SLC39A13: variants seen among roughly 807,000 people sequenced by gnomAD.
SLC39A13 encodes the protein solute carrier family 39 member 13.
A neutral mutation model predicts 38.7 loss-of-function variants in SLC39A13; 18 were observed. The ratio of observed to expected loss-of-function variants is 0.47; its 90% CI spans 0.32 to 0.69. The LOEUF (loss-of-function observed/expected upper bound fraction) is 0.69, where lower values mean the gene tolerates loss of function less well. SLC39A13 is among the 30% of genes least tolerant of loss of function. The pLI is 0.03. For synonymous variants in SLC39A13, 212 were observed against 219.1 expected, an observed-to-expected ratio of 0.97 and a Z score of 0.29; for missense variants, 395 against 490.7, an observed-to-expected ratio of 0.80 and a Z score of 1.84.
chr11:47,411,892 G>T, intron 2 of SLC39A13, 34 bp from the exon 3 acceptor site: 1 of 1,595,718 alleles, frequency 6.3e-7, no homozygotes, highest in African/African-American at 1.3e-5. Context: ...GCTCCAGCCA[G>T]TCAGCCCCCA....
rs1347908084 is a variant in SLC39A13, at chr11:47,410,163, C to T, written c.69C>T (p.Ala23=). 8.1e-6 allele frequency: 13 copies of T among 1,613,482 alleles called. No individual in the cohort carries two copies. The highest frequency in any genetic ancestry group is 1.1e-5 in the Non-Finnish European group (13 of 1,179,978). ...GGCTCCTCTTCCTCACTGCCCTTGC[C>T]CTGGAGCTCTTGGAAAGGGCTGGGG... ...GPRLLFLTAL[A]LELLERAGGS... The change falls in exon 2 of 10, where the codon GCC becomes GCT. Residue 23 remains alanine (A), a synonymous_variant. Transcript: ENST00000362021.
chr11:47,412,654 G>C (rs2096005481), intron 4 of SLC39A13, among the ~76,000 whole-genome samples, 187 bp downstream of exon 4: 1 of 137,736 alleles, frequency 7.3e-6, no homozygotes, highest in South Asian at 2.6e-4. Flanking sequence ...AGCTTGTTCT[G>C]GTAGCCTGAT....
chr11:47,411,836 C>T, intron 2 of SLC39A13, 90 bp from the exon 3 acceptor site: 1 of 1,304,590 alleles, frequency 7.7e-7, no homozygotes, highest in Non-Finnish European at 1.1e-6. Context: ...CCTTGCAGGC[C>T]CAGAAAGAGC....
In SLC39A13 at chr11:47,413,354, GT is replaced by G. The variant is rs1331129361; in HGVS notation, c.538-45del. 3 of 1,583,590 alleles carry G rather than the reference GT, an allele frequency of 1.9e-6. No homozygotes were observed. The African/African-American group carries it at 4.0e-5, about 21-fold the overall frequency. On this transcript the variant is annotated intron_variant, in intron 4 of 9. Transcript: ENST00000362021. Reference sequence around the variant, plus strand: ...CTCCCCTTCTGTCTGCCCTGGCTGAGTGGGGGGCATCTAATGTCACCTCTCC... The same window carrying G: ...CTCCCCTTCTGTCTGCCCTGGCTGAGGGGGGGCATCTAATGTCACCTCTCC...
intron 1 of SLC39A13, 109 bp from the exon 2 acceptor site, chr11:47,409,978 G>T: frequency 7.5e-7 from 1 of 1,326,766 alleles, no homozygotes; most frequent in Non-Finnish European, 1.1e-6. Flanking sequence ...AAGGACAGCA[G>T]GAGGGTGGAT....
At chr11:47,414,388 AAC>A (rs2096015057) in intron 6 of SLC39A13, 35 bp from the exon 7 acceptor site, 2 of 1,593,018 alleles carry the variant, frequency 1.3e-6, no homozygotes, top group Admixed American at 1.8e-5. Flanking sequence ...CTCAGCCCTC[AAC>A]ACAGACCCCG....
At position 47,415,509 on chromosome 11, in the gene SLC39A13, G is replaced by T. The variant is rs2096023185; in HGVS notation, c.*146G>T. On this transcript the variant is annotated 3_prime_UTR_variant, in exon 10 of 10. Transcript: ENST00000362021. The stretch of plus-strand genomic sequence containing the variant: ...AGACAGGAGGGAGGTGCGTGTGGAT[G>T]TATGTGGTGTGCACATGTGGCCAGA... 4 of 888,136 alleles carry T rather than the reference G, an allele frequency of 4.5e-6. No homozygotes were observed. Among genetic ancestry groups the T allele is most frequent in the Non-Finnish European group, 7.3e-6 (4 of 549,982 alleles). The allele number at this position is 888,136 out of a possible 1,614,324, so 55.0% of individuals were successfully genotyped here.
At chr11:47,408,143 G>A (rs1374114276), upstream of SLC39A13, among the ~76,000 whole-genome samples, 2 of 152,256 alleles carry the variant, frequency 1.3e-5, no homozygotes, top group Non-Finnish European at 2.9e-5. Flanking sequence ...AGCCAGGCCG[G>A]GCTGACTCAG....
intron 6 of SLC39A13, 50 bp from the exon 7 acceptor site, chr11:47,414,375 G>A: frequency 3.2e-6 from 5 of 1,574,720 alleles, no homozygotes; most frequent in Non-Finnish European, 4.3e-6. Flanking sequence ...GGCGAGTGGG[G>A]TGCTCAGCCC....
chr11:47,407,723 G>A (rs1002713031), upstream of SLC39A13, among the ~76,000 whole-genome samples: 1 of 152,242 alleles, frequency 6.6e-6, no homozygotes, highest in Non-Finnish European at 1.5e-5. Context: ...GCCACTGTGT[G>A]ACCCTGGGCT....
In SLC39A13 at chr11:47,412,002, G is replaced by T; in HGVS notation, c.378G>T (p.Leu126=). The part of the protein sequence containing the change: ...GLLGNVFLHL[L]PEAWAYTCSA... ...TGGGCAATGTGTTTCTGCATCTGCT[G>T]CCCGAAGCCTGGGCCTACACGTGCA... Residue 126 remains leucine, a synonymous_variant, in exon 3 of 10, where the codon CTG becomes CTT. Transcript: ENST00000362021. The T allele has an allele frequency of 6.2e-7, 1 of 1,613,572 alleles. No homozygotes were observed.
At chr11:47,412,948 G>A (rs1219550679) in intron 4 of SLC39A13, among the ~76,000 whole-genome samples, 1 of 151,536 alleles carries the variant, frequency 6.6e-6, no homozygotes, top group Admixed American at 6.6e-5. Context: ...TTTTAGTGGA[G>A]ACGGGGTTTC....
chr11:47,415,412 G>A lies in SLC39A13; in HGVS notation c.*49G>A. On this transcript the variant is annotated 3_prime_UTR_variant, in exon 10 of 10. Coordinates refer to ENST00000362021, the MANE Select transcript of SLC39A13 (RefSeq NM_001128225.3). ...GCCCCCTGCAGCAATAAGATGCTCGGATTCACTCTGTGACCGCATATGTGA... is the reference window on the plus strand; with the variant it reads ...GCCCCCTGCAGCAATAAGATGCTCGAATTCACTCTGTGACCGCATATGTGA... The A allele has an allele frequency of 6.3e-7, 1 of 1,599,322 alleles. No individual in the cohort carries two copies. Among genetic ancestry groups the A allele is most frequent in the Middle Eastern group, 1.7e-4 (1 of 6,032 alleles).
Position 47,412,345 on chromosome 11 carries a change from G to T in SLC39A13, c.416-1G>T. On this transcript the variant is annotated splice_acceptor_variant, in intron 3 of 9. Transcript: ENST00000362021. LOFTEE classifies it high-confidence loss of function. ...TGGCCTGGCATTGCCGCCCCCTGCA[G>T]GTGGTGAGGGGCAGAGCCTGCAGCA... 1 of 1,613,300 alleles carries T rather than the reference G, an allele frequency of 6.2e-7. No homozygotes were observed.
chr11:47,407,364 C>T (rs1681485770), upstream of SLC39A13: 1 of 152,390 alleles, frequency 6.6e-6, no homozygotes, highest in East Asian at 1.9e-4. Context: ...GGAAGGCCAA[C>T]AGTGCAACAT....
rs1418931409 is a variant in SLC39A13 at position 47,415,652 on chromosome 11, G to A, written c.*289G>A. ...TGCCGCCCTGTCACCTTCACCTCCC[G>A]GAGTAAGCAGCGAGGAAGAGCAGCA... On this transcript the variant is annotated 3_prime_UTR_variant, in exon 10 of 10. Transcript: ENST00000362021. 8 of 521,686 alleles carry A rather than the reference G, an allele frequency of 1.5e-5. No homozygotes were observed. The highest frequency in any genetic ancestry group is 5.7e-5 in the Admixed American group (2 of 34,922). 32.3% of individuals were successfully genotyped at this position (521,686 alleles called of 1,614,324 possible). A position where few individuals can be genotyped will look rare whatever the true frequency, so the allele number is the denominator to read the frequency against.
Position 47,416,358 on chromosome 11 carries a change from G to T in SLC39A13, c.*995G>T, listed in dbSNP as rs2096027943. Reference sequence around the variant, plus strand: ...CTGGCCCACTCCACAGCCAGGCCTGGCCCTGCCCTTCACCGTGGATGTTTT... The same window carrying T: ...CTGGCCCACTCCACAGCCAGGCCTGTCCCTGCCCTTCACCGTGGATGTTTT... On this transcript the variant is annotated 3_prime_UTR_variant, in exon 10 of 10. Coordinates refer to ENST00000362021, the MANE Select transcript of SLC39A13 (RefSeq NM_001128225.3). The T allele has an allele frequency of 6.5e-6, 1 of 152,686 alleles. No individual in the cohort carries two copies. 9.5% of individuals were successfully genotyped at this position (152,686 alleles called of 1,614,324 possible).
At chr11:47,408,529 T>G (rs943313930), upstream of SLC39A13, 3 of 146,822 alleles carry the variant, frequency 2.0e-5, no homozygotes, top group Admixed American at 2.0e-4. Context: ...CCTTGTGACG[T>G]GGCCGCGCGC....
chr11:47,409,759 C>T, intron 1 of SLC39A13: 1 of 310,754 alleles, frequency 3.2e-6, no homozygotes, highest in South Asian at 3.4e-5. Context: ...GCCAGAGACA[C>T]CCAGCTGGGC....
Sources: gnomAD v4.1 joint callset for allele counts (sites outside exome capture counted in the v4.1 genomes callset) on GRCh38, gnomAD v4.1.1 for gene constraint, MANE v1.5 for transcripts, NCBI Gene and HGNC (gene_info 2026-07-23, HGNC 2026-07-21) for gene names.